The following MSRB3 variants were observed in gnomAD, a reference collection of about 807,000 sequenced individuals.
MSRB3 encodes methionine sulfoxide reductase B3, also known as methionine-R-sulfoxide reductase B3.
A neutral mutation model predicts 21.0 loss-of-function variants in MSRB3; 13 were observed. That is an observed-to-expected ratio of 0.62 (90% CI 0.40 to 0.98). MSRB3 has a LOEUF of 0.98. Among genes scored for constraint, MSRB3 ranks in the 50% least tolerant of loss-of-function variants. The pLI is 0.00. For missense variants in MSRB3, 199 were observed against 230.3 expected (o/e 0.86, Z 0.88); for synonymous variants, 87 against 88.6 (o/e 0.98, Z 0.10).
intron 5 of MSRB3, among the ~76,000 whole-genome samples, chr12:65,432,127 T>G (rs1881905071): frequency 6.6e-6 from 1 of 152,032 alleles, no homozygotes; most frequent in Non-Finnish European, 1.5e-5. Context: ...AAAGAAGGGA[T>G]TCTGTCTATA....
Position 65,278,885 on chromosome 12 carries a change from C to A in MSRB3, c.-52+20C>A. On this transcript the variant is annotated intron_variant, in intron 1 of 6. Coordinates refer to ENST00000308259, the MANE Select transcript of MSRB3 (RefSeq NM_001031679.3). ...AGTCCGGTAAGTTCGGGCTCCCCTC[C>A]CCTCTCCTCCTCGCCTCACCCCTCC... 1 of 1,550,778 alleles carries A rather than the reference C, an allele frequency of 6.4e-7. No homozygotes were observed. Among genetic ancestry groups the A allele is most frequent in the Non-Finnish European group, 8.7e-7 (1 of 1,146,246 alleles).
At chr12:65,312,037 C>T (rs7300702) in intron 2 of MSRB3, among the ~76,000 whole-genome samples, 149,724 of 152,132 alleles carry the variant, frequency 0.98, 73,730 homozygotes, top group Middle Eastern at 1. Flanking sequence ...CAACAGTTTC[C>T]TTAATGTATT....
At chr12:65,392,520 C>T (rs1879538843) in intron 5 of MSRB3, among the ~76,000 whole-genome samples, 1 of 152,164 alleles carries the variant, frequency 6.6e-6, no homozygotes. Context: ...TCAATTTGTA[C>T]AACTGGTCTT....
At chr12:65,312,995 G>A (rs1045305173) in intron 2 of MSRB3, among the ~76,000 whole-genome samples, 1 of 152,034 alleles carries the variant, frequency 6.6e-6, no homozygotes, top group South Asian at 2.1e-4. Context: ...ATACAATACA[G>A]GGGATGTCAT....
chr12:65,299,658 A>G (rs1334766628), intron 1 of MSRB3, among the ~76,000 whole-genome samples: 2 of 152,184 alleles, frequency 1.3e-5, no homozygotes, highest in Admixed American at 6.5e-5. Context: ...TAATAAGAAG[A>G]AGGGAGTATG....
intron 5 of MSRB3, among the ~76,000 whole-genome samples, chr12:65,427,555 G>T (rs1881663740): frequency 1.3e-5 from 2 of 152,172 alleles, no homozygotes; most frequent in African/African-American, 4.8e-5. Context: ...TCGCAGTTTG[G>T]TGTGGCACTA....
intron 5 of MSRB3, among the ~76,000 whole-genome samples, chr12:65,435,745 G>A (rs150110273): frequency 1.3e-5 from 2 of 151,956 alleles, no homozygotes; most frequent in African/African-American, 2.4e-5. Flanking sequence ...AAAGGTAAAG[G>A]TCTTGACATT....
intron 4 of MSRB3, among the ~76,000 whole-genome samples, chr12:65,344,574 T>C (rs1234082790): frequency 6.6e-6 from 1 of 151,850 alleles, no homozygotes; most frequent in East Asian, 1.9e-4. Flanking sequence ...CAGAACTGGG[T>C]CTTTTTCTAG....
chr12:65,395,043 T>C (rs1008420853), intron 5 of MSRB3, among the ~76,000 whole-genome samples: 1 of 152,052 alleles, frequency 6.6e-6, no homozygotes, highest in Non-Finnish European at 1.5e-5. Flanking sequence ...CTGATGGTTC[T>C]AGCCAATTAG....
intron 1 of MSRB3, among the ~76,000 whole-genome samples, chr12:65,295,635 T>A (rs539156051): frequency 6.6e-6 from 1 of 152,140 alleles, no homozygotes; most frequent in African/African-American, 2.4e-5. Context: ...AAGACTATTA[T>A]ATAACATGTT....
intron 5 of MSRB3, among the ~76,000 whole-genome samples, chr12:65,423,221 C>T (rs774285464): frequency 6.6e-6 from 1 of 152,110 alleles, no homozygotes; most frequent in African/African-American, 2.4e-5. Context: ...CTCAGCCTCC[C>T]AAAGTGCTGG....
At chr12:65,356,657 A>T (rs1877401222) in intron 4 of MSRB3, among the ~76,000 whole-genome samples, 1 of 151,938 alleles carries the variant, frequency 6.6e-6, no homozygotes, top group African/African-American at 2.4e-5. Flanking sequence ...TATTTTAAAT[A>T]GGTGAGATTT....
chr12:65,423,559 T>A (rs977512386), intron 5 of MSRB3, among the ~76,000 whole-genome samples: 2 of 152,202 alleles, frequency 1.3e-5, no homozygotes, highest in African/African-American at 4.8e-5. Flanking sequence ...TGAAAGGATG[T>A]TGAATTTTGT....
intron 5 of MSRB3, among the ~76,000 whole-genome samples, chr12:65,371,124 G>A (rs1367643782): frequency 1.3e-5 from 2 of 152,008 alleles, no homozygotes; most frequent in African/African-American, 4.8e-5. Context: ...TCAGGAGATC[G>A]AGACCATCCT....
intron 5 of MSRB3, among the ~76,000 whole-genome samples, chr12:65,371,668 G>A (rs1475642965): frequency 2.0e-5 from 3 of 152,022 alleles, no homozygotes; most frequent in African/African-American, 7.2e-5. Flanking sequence ...TTTATGCAGA[G>A]CTTACCGCAC....
chr12:65,358,881 T>C (rs1189990265), intron 4 of MSRB3, among the ~76,000 whole-genome samples: 1 of 152,000 alleles, frequency 6.6e-6, no homozygotes. Context: ...CCTTACCTGC[T>C]TCTATGATTT....
At chr12:65,381,722 G>A (rs1469137137) in intron 5 of MSRB3, among the ~76,000 whole-genome samples, 4 of 151,938 alleles carry the variant, frequency 2.6e-5, no homozygotes, top group Admixed American at 6.6e-5. Flanking sequence ...TCCCAGGATA[G>A]GAGTAAAAAA....
intron 5 of MSRB3, among the ~76,000 whole-genome samples, chr12:65,436,639 A>G (rs1405499699): frequency 6.6e-6 from 1 of 151,956 alleles, no homozygotes; most frequent in Non-Finnish European, 1.5e-5. Context: ...TCAGGATTTC[A>G]TTACATAATG....
chr12:65,400,493 T>G (rs1462529485), intron 5 of MSRB3, among the ~76,000 whole-genome samples: 1 of 152,192 alleles, frequency 6.6e-6, no homozygotes, highest in African/African-American at 2.4e-5. Context: ...ATTTGATTCT[T>G]CTCCCTTTTC....
Sources: gnomAD v4.1 joint callset for allele counts (sites outside exome capture counted in the v4.1 genomes callset) on GRCh38, gnomAD v4.1.1 for gene constraint, MANE v1.5 for transcripts, NCBI Gene and HGNC (gene_info 2026-07-23, HGNC 2026-07-21) for gene names.